APOLD1: variants seen among roughly 807,000 people sequenced by gnomAD.
APOLD1 encodes the protein apolipoprotein L domain containing 1.
A neutral mutation model predicts 15.3 loss-of-function variants in APOLD1; 22 were observed. That is an observed-to-expected ratio of 1.44 (90% confidence interval 1.03 to 2.05). The LOEUF is 2.05. Among genes scored for constraint, APOLD1 ranks in the 30% most tolerant of loss-of-function variants. The pLI is 0.00. For missense variants in APOLD1, 394 were observed against 353.5 expected (o/e 1.11, Z -0.92); for synonymous variants, 190 against 167.4 (o/e 1.13, Z -1.04).
In APOLD1 at chr12:12,787,178, G is replaced by A; in HGVS notation, c.273G>A (p.Gly91=). ...LGTSLLVSAV[G]LGVATAGGAV... ...CCTCGCTGCTGGTGTCGGCCGTGGG[G>A]CTGGGGGTGGCCACAGCCGGAGGGG... is the stretch of plus-strand genomic sequence containing the variant. Residue 91 remains glycine, a synonymous_variant, in exon 2 of 2, where the codon GGG becomes GGA. Coordinates refer to ENST00000356591, the MANE Select transcript of APOLD1 (RefSeq NM_030817.3). This position sits in a 1 kb window ranked among gnomAD's most constrained non-coding sequence, Gnocchi z 4.9. The A allele has an allele frequency of 6.5e-7, 1 of 1,538,688 alleles. No homozygotes were observed. Among genetic ancestry groups the A allele is most frequent in the Non-Finnish European group, 8.7e-7 (1 of 1,152,198 alleles).
chr12:12,782,490 A>G (rs1045960396), upstream of APOLD1, among the ~76,000 whole-genome samples: 6 of 152,202 alleles, frequency 3.9e-5, no homozygotes, highest in Admixed American at 2.6e-4. Context: ...AATTCAAACT[A>G]GTACAGCTAA....
chr12:12,746,574 A>G (rs1475414011), intron 1 of APOLD1, among the ~76,000 whole-genome samples: 1 of 152,212 alleles, frequency 6.6e-6, no homozygotes, highest in Non-Finnish European at 1.5e-5. Flanking sequence ...GACTACGTGT[A>G]TGAACTCTGA....
At chr12:12,767,421 G>T (rs1475714337) in intron 1 of APOLD1, among the ~76,000 whole-genome samples, 1 of 152,130 alleles carries the variant, frequency 6.6e-6, no homozygotes, top group Non-Finnish European at 1.5e-5. Flanking sequence ...CAGCACTTTG[G>T]GAGGCCGAGG....
intron 1 of APOLD1, among the ~76,000 whole-genome samples, chr12:12,748,757 C>T (rs1057278752): frequency 6.6e-6 from 1 of 152,042 alleles, no homozygotes; most frequent in African/African-American, 2.4e-5. Flanking sequence ...TCTTACTAGG[C>T]AGAAGTTCAC....
At position 12,744,615 on chromosome 12, in the gene APOLD1, C is replaced by A. The variant is rs182579219; in HGVS notation, c.96+18519C>A. On this transcript the variant is annotated intron_variant, in intron 1 of 1. Transcript: ENST00000326765. ...CAAAGAACTGCTTGGTTTCTGATTT[C>A]TCAGCTCTCAACTCTAGGCAGGTGA... 3.5e-3 allele frequency among the ~76,000 whole-genome samples: 538 copies of A among 152,268 alleles called. 3 individuals carry two copies. The highest frequency in any genetic ancestry group is 0.012 in the African/African-American group (508 of 41,556).
chr12:12,766,612 G>A (rs895217860), intron 1 of APOLD1, among the ~76,000 whole-genome samples: 1 of 152,200 alleles, frequency 6.6e-6, no homozygotes, highest in African/African-American at 2.4e-5. Flanking sequence ...GAGAGGCTGA[G>A]GTTATCTGCC....
intron 1 of APOLD1, among the ~76,000 whole-genome samples, chr12:12,772,682 A>C (rs1433484265): frequency 6.6e-6 from 1 of 152,182 alleles, no homozygotes; most frequent in Non-Finnish European, 1.5e-5. Context: ...AGCAGGTTAC[A>C]TGTTCTTCTC....
chr12:12,779,065 ACTC>A (rs1174923990), intron 1 of APOLD1, among the ~76,000 whole-genome samples: 1 of 151,536 alleles, frequency 6.6e-6, no homozygotes, highest in East Asian at 1.9e-4. Flanking sequence ...CACCCTGGAC[ACTC>A]CTCCATTCCT....
At chr12:12,749,658 C>T (rs555824260) in intron 1 of APOLD1, among the ~76,000 whole-genome samples, 2 of 152,262 alleles carry the variant, frequency 1.3e-5, no homozygotes, top group African/African-American at 2.4e-5. Context: ...AGAGCAACTG[C>T]GGACCACCAC....
chr12:12,782,903 A>G (rs927227341), upstream of APOLD1, among the ~76,000 whole-genome samples: 1 of 152,176 alleles, frequency 6.6e-6, no homozygotes. Flanking sequence ...TGTCTTTACT[A>G]TATGAAATTA....
rs192800969 is a variant in APOLD1, at chr12:12,749,810, A to C, written c.96+23714A>C. Among the ~76,000 whole-genome samples, 868 of 152,206 alleles carry C rather than the reference A, an allele frequency of 5.7e-3. 2 individuals are homozygous for C. The highest frequency in any genetic ancestry group is 7.4e-3 in the Non-Finnish European group (502 of 67,994). The stretch of plus-strand genomic sequence containing the variant: ...GTGGAGTGTACTTTCGTTTTCAATA[A>C]ATCCCTGCTTTCATTCTTTAGTTGC... On this transcript the variant is annotated intron_variant, in intron 1 of 1. Coordinates refer to the APOLD1 transcript ENST00000326765.
At chr12:12,778,404 C>T (rs902168915) in intron 1 of APOLD1, among the ~76,000 whole-genome samples, 3 of 151,292 alleles carry the variant, frequency 2.0e-5, no homozygotes, top group South Asian at 2.1e-4. Context: ...ACTGCAGCCT[C>T]GCCCTCCTAG....
In APOLD1 at chr12:12,788,365, T is replaced by C. The variant is rs1185508484; in HGVS notation, c.*713T>C. ...CACATGAAGCTGAGGGCCAGATAGA[T>C]GGAGCGACTGCCAACTTCATTTCCC... On this transcript the variant is annotated 3_prime_UTR_variant, in exon 2 of 2. Transcript: ENST00000356591. 6.6e-6 allele frequency: 1 copy of C among 152,224 alleles called. No individual in the cohort carries two copies. The highest frequency in any genetic ancestry group is 1.5e-5 in the Non-Finnish European group (1 of 68,074). 9.4% of individuals were successfully genotyped at this position (152,224 alleles called of 1,614,324 possible).
chr12:12,726,025 C>G, exon 1 of APOLD1: 1 of 1,526,564 alleles, frequency 6.6e-7, no homozygotes, highest in South Asian at 1.2e-5. Flanking sequence ...GTGTCACCGG[C>G]TGCGGGCCAG....
intron 1 of APOLD1, among the ~76,000 whole-genome samples, chr12:12,750,366 C>CT (rs1452275180): frequency 1.2e-5 from 1 of 81,590 alleles, no homozygotes; most frequent in East Asian, 3.6e-4. Context: ...GAGTGAGACT[C>CT]TGTCTCAAAA....
intron 1 of APOLD1, among the ~76,000 whole-genome samples, chr12:12,777,420 G>A (rs1373311516): frequency 6.6e-6 from 1 of 152,144 alleles, no homozygotes; most frequent in Admixed American, 6.6e-5. Flanking sequence ...GAACTCCATG[G>A]TCCTTTCCCA....
At chr12:12,762,437 C>G (rs186519507) in intron 1 of APOLD1, among the ~76,000 whole-genome samples, 1 of 151,908 alleles carries the variant, frequency 6.6e-6, no homozygotes, top group Non-Finnish European at 1.5e-5. Flanking sequence ...TCACTGCAAC[C>G]TCTGCCTCCC....
At chr12:12,781,567 G>T (rs1397294467), upstream of APOLD1, among the ~76,000 whole-genome samples, 2 of 135,144 alleles carry the variant, frequency 1.5e-5, no homozygotes, top group Non-Finnish European at 3.0e-5. Context: ...TCGCTCTGTC[G>T]CCCAGGCTGG....
chr12:12,757,830 A>T (rs1051093249), intron 1 of APOLD1, among the ~76,000 whole-genome samples: 5 of 152,040 alleles, frequency 3.3e-5, no homozygotes, highest in South Asian at 2.1e-4. Flanking sequence ...CTGTAGTTTC[A>T]GGCACCCACT....
Sources: gnomAD v4.1 joint callset for allele counts (sites outside exome capture counted in the v4.1 genomes callset) on GRCh38, gnomAD v4.1.1 for gene constraint, Gnocchi (gnomAD v3.1) non-coding constraint, MANE v1.5 for transcripts, NCBI Gene and HGNC (gene_info 2026-07-23, HGNC 2026-07-21) for gene names.